CAMK2D: variants seen among roughly 807,000 people sequenced by gnomAD.
CAMK2D encodes calcium/calmodulin-dependent protein kinase type II subunit delta.
A neutral mutation model predicts 84.0 loss-of-function variants in CAMK2D; 37 were observed. That is an observed-to-expected ratio of 0.44 (90% CI 0.34 to 0.58). The LOEUF (loss-of-function observed/expected upper bound fraction) is 0.58, where lower values mean the gene tolerates loss of function less well. Among genes scored for constraint, CAMK2D ranks in the 20% least tolerant of loss-of-function variants. CAMK2D has a pLI of 0.02. For synonymous variants in CAMK2D, 202 were observed against 212.5 expected, an observed-to-expected ratio of 0.95 and a Z score of 0.43; for missense variants, 448 against 652.5, an observed-to-expected ratio of 0.69 and a Z score of 3.41.
In CAMK2D at chr4:113,564,167, T is replaced by C. The variant is rs534348116; in HGVS notation, c.276-12071A>G. Among the ~76,000 whole-genome samples, 8 of 152,340 alleles carry C rather than the reference T, an allele frequency of 5.3e-5. No homozygotes were observed. In the East Asian group the frequency reaches 1.2e-3, roughly 22 times the overall value. On this transcript the variant is annotated intron_variant, in intron 4 of 20. Coordinates refer to ENST00000511664, the MANE Select transcript of CAMK2D (RefSeq NM_001321571.2). ...GCATACTTAAAGCTCAGTTTCAAGG[T>C]ATCAGTGACCTCCTCCTTGGAAAGC...
chr4:113,552,300 C>T (rs1478229050), intron 4 of CAMK2D, among the ~76,000 whole-genome samples: 1 of 152,116 alleles, frequency 6.6e-6, no homozygotes, highest in Non-Finnish European at 1.5e-5. Flanking sequence ...TCATTAGACA[C>T]ATGAGGTCAC....
chr4:113,551,725 G>A (rs139160081), intron 5 of CAMK2D, among the ~76,000 whole-genome samples: 133 of 152,122 alleles, frequency 8.7e-4, no homozygotes, highest in African/African-American at 2.5e-3. Flanking sequence ...ATCTATCTAG[G>A]GATTAGAGGA....
intron 16 of CAMK2D, among the ~76,000 whole-genome samples, chr4:113,478,030 GTAAT>G (rs1034446195): frequency 6.6e-6 from 1 of 151,984 alleles, no homozygotes; most frequent in African/African-American, 2.4e-5. Context: ...TACTTAATAA[GTAAT>G]TAATATTCCA....
chr4:113,461,451 G>C (rs2097372149), intron 17 of CAMK2D, among the ~76,000 whole-genome samples: 1 of 152,286 alleles, frequency 6.6e-6, no homozygotes, highest in East Asian at 1.9e-4. Context: ...TGGTGGGCAG[G>C]GGGAGGACAG....
At chr4:113,663,901 C>T (rs1401031401) in intron 2 of CAMK2D, among the ~76,000 whole-genome samples, 1 of 152,080 alleles carries the variant, frequency 6.6e-6, no homozygotes, top group Non-Finnish European at 1.5e-5. Context: ...CCATCCTAAT[C>T]TCCAGTTCCC....
At chr4:113,474,498 C>CTTTTT (rs70961831) in intron 16 of CAMK2D, among the ~76,000 whole-genome samples, 12 of 89,840 alleles carry the variant, frequency 1.3e-4, no homozygotes, top group African/African-American at 3.0e-4. Flanking sequence ...CCTTTTTGGC[C>CTTTTT]TTTTTTTTTT....
At chr4:113,478,558 C>T (rs145782394) in intron 16 of CAMK2D, among the ~76,000 whole-genome samples, 1 of 152,238 alleles carries the variant, frequency 6.6e-6, no homozygotes, top group Non-Finnish European at 1.5e-5. Context: ...ACTCTTCCTA[C>T]ATTGGTCAAA....
chr4:113,720,583 A>G (rs546192114), intron 2 of CAMK2D, among the ~76,000 whole-genome samples: 1 of 152,060 alleles, frequency 6.6e-6, no homozygotes, highest in Non-Finnish European at 1.5e-5. Context: ...AATTTCAAAA[A>G]AAAGCTAATA....
At chr4:113,614,285 C>A (rs137997446) in intron 3 of CAMK2D, among the ~76,000 whole-genome samples, 81 of 152,212 alleles carry the variant, frequency 5.3e-4, no homozygotes, top group African/African-American at 1.9e-3. Flanking sequence ...AACTCACTAT[C>A]TGTTCCTCTT....
intron 16 of CAMK2D, among the ~76,000 whole-genome samples, chr4:113,473,397 TC>T (rs1322011381): frequency 3.9e-5 from 6 of 152,230 alleles, no homozygotes; most frequent in Non-Finnish European, 7.3e-5. Context: ...TATTTTTACT[TC>T]ACTAGACTGA....
chr4:113,520,978 A>G (rs1177238094), intron 8 of CAMK2D, among the ~76,000 whole-genome samples: 2 of 144,478 alleles, frequency 1.4e-5, no homozygotes, highest in Non-Finnish European at 3.2e-5. Context: ...ACAGTGAACC[A>G]TGATCACATC....
rs1347517663 is a variant in CAMK2D at position 113,454,052 on chromosome 4, A to G, written c.*493T>C. On this transcript the variant is annotated 3_prime_UTR_variant, in exon 21 of 21. Transcript: ENST00000511664. ...AATCATCCATTTTAACCAGGATCAC[A>G]CCAGGAAACTGAAGGTGTATTTTTT... 1 of 150,560 alleles carries G rather than the reference A, an allele frequency of 6.6e-6. No individual in the cohort carries two copies. The highest frequency in any genetic ancestry group is 2.5e-5 in the African/African-American group (1 of 40,678). The allele number at this position is 150,560 out of a possible 1,614,324, so 9.3% of individuals were successfully genotyped here. A position where few individuals can be genotyped will look rare whatever the true frequency, so the allele number is the denominator to read the frequency against.
chr4:113,754,085 A>C (rs1594179056), intron 2 of CAMK2D: 1 of 866,956 alleles, frequency 1.2e-6, no homozygotes, highest in Non-Finnish European at 1.4e-6. Context: ...CTATAAAGTG[A>C]TTTGAAATAT....
At chr4:113,759,472 T>C in intron 1 of CAMK2D, 58 bp from the exon 2 acceptor site, 1 of 1,066,980 alleles carries the variant, frequency 9.4e-7, no homozygotes. Flanking sequence ...TCATTAAAAA[T>C]TTATAAAATC....
At chr4:113,608,127 C>G (rs2098985649) in intron 4 of CAMK2D, among the ~76,000 whole-genome samples, 1 of 152,150 alleles carries the variant, frequency 6.6e-6, no homozygotes, top group Non-Finnish European at 1.5e-5. Flanking sequence ...ACTGTGATAA[C>G]TGAAAATGTG....
intron 2 of CAMK2D, among the ~76,000 whole-genome samples, chr4:113,665,892 G>A (rs544353529): frequency 1.2e-4 from 18 of 152,254 alleles, no homozygotes; most frequent in African/African-American, 4.3e-4. Flanking sequence ...GAAGTCAGCG[G>A]GGGAATAATA....
chr4:113,553,142 T>C (rs2098641192), intron 4 of CAMK2D, among the ~76,000 whole-genome samples: 1 of 152,208 alleles, frequency 6.6e-6, no homozygotes, highest in African/African-American at 2.4e-5. Flanking sequence ...TATTAACTTA[T>C]AAATCCTCAC....
intron 4 of CAMK2D, among the ~76,000 whole-genome samples, chr4:113,607,983 T>C: frequency 6.6e-6 from 1 of 152,254 alleles, no homozygotes; most frequent in African/African-American, 2.4e-5. Context: ...CCTGGTTTAG[T>C]GTGGGCTTGA....
intron 4 of CAMK2D, among the ~76,000 whole-genome samples, chr4:113,560,662 A>G (rs915526950): frequency 2.0e-5 from 3 of 152,218 alleles, no homozygotes; most frequent in Non-Finnish European, 4.4e-5. Flanking sequence ...CTATCTGTGT[A>G]GACTCACTGA....
Sources: allele counts gnomAD v4.1 joint callset (sites outside exome capture counted in the v4.1 genomes callset), GRCh38; gene constraint gnomAD v4.1.1; transcripts MANE v1.5; gene names NCBI Gene and HGNC (gene_info 2026-07-23, HGNC 2026-07-21).